MBD3: variants seen among roughly 807,000 people sequenced by gnomAD.
MBD3 encodes methyl-CpG-binding domain protein 3.
In MBD3, 13 loss-of-function variants were observed where a neutral mutation model predicts 31.2. The ratio of observed to expected loss-of-function variants is 0.42; its 90% CI spans 0.27 to 0.66. The LOEUF is 0.66. MBD3 is among the 30% of genes least tolerant of loss of function. The pLI is 0.26. For synonymous variants in MBD3, 223 were observed against 187.4 expected (o/e 1.19, Z -1.55); for missense variants, 440 against 426.5 (o/e 1.03, Z -0.28).
chr19:1,578,230 G>A lies in MBD3; in HGVS notation c.*6-72C>T. The A allele has an allele frequency of 6.5e-7, 1 of 1,537,310 alleles. No homozygotes were observed. The highest frequency in any genetic ancestry group is 8.8e-7 in the Non-Finnish European group (1 of 1,130,544). On this transcript the variant is annotated intron_variant, in intron 6 of 6. Coordinates refer to ENST00000434436, the MANE Select transcript of MBD3 (RefSeq NM_001281453.2). This position sits in a 1 kb window ranked among gnomAD's most constrained non-coding sequence, Gnocchi z 6.1. ...GACGCTTGGGCTCTTCTAGGGAGAT[G>A]GGAAGCTCTTGGGAGGCACCCGTCA...
intron 3 of MBD3, among the ~76,000 whole-genome samples, chr19:1,584,318 G>A (rs1250112536): frequency 1.3e-5 from 2 of 152,094 alleles, no homozygotes; most frequent in African/African-American, 4.8e-5. Context: ...CTGGGCTCAA[G>A]CAATCCTCCC....
chr19:1,580,641 G>T (rs1018542563), intron 5 of MBD3, among the ~76,000 whole-genome samples: 1 of 152,226 alleles, frequency 6.6e-6, no homozygotes, highest in African/African-American at 2.4e-5. Context: ...GCTCACCCCT[G>T]GGCTGCTCAG....
chr19:1,585,000 C>A (rs1488969042), intron 2 of MBD3, 55 bp downstream of exon 2: 1 of 1,598,882 alleles, frequency 6.3e-7, no homozygotes, highest in East Asian at 2.2e-5. Flanking sequence ...GTCATGGCCG[C>A]GTCCCCGCCT....
At chr19:1,588,560 T>C (rs1456645470) in intron 1 of MBD3, among the ~76,000 whole-genome samples, 2 of 151,654 alleles carry the variant, frequency 1.3e-5, no homozygotes, top group Non-Finnish European at 2.9e-5. Flanking sequence ...GGTGGGTGGA[T>C]TGCCTGAGCT....
chr19:1,591,644 G>A (rs997028213), intron 1 of MBD3, among the ~76,000 whole-genome samples: 3 of 152,122 alleles, frequency 2.0e-5, no homozygotes, highest in Non-Finnish European at 4.4e-5. Flanking sequence ...ACTGAACCAA[G>A]GGGAGGGCGC....
chr19:1,583,853 G>C lies in MBD3; in HGVS notation c.408+687C>G, dbSNP rs771107499. Among the ~76,000 whole-genome samples, 3 of 152,020 alleles carry C rather than the reference G, an allele frequency of 2.0e-5. No homozygotes were observed. In the South Asian group the frequency reaches 6.2e-4, roughly 32 times the overall value. ...TATTTTATTTTTGAGACCGGGTCTC[G>C]CTCTGTCGCCCAGGCAGGAGTGCAG... is the stretch of plus-strand genomic sequence containing the variant. On this transcript the variant is annotated intron_variant, in intron 3 of 6. Transcript: ENST00000434436.
chr19:1,585,226 C>T lies in MBD3; in HGVS notation c.111-12G>A, dbSNP rs377431933. 1.7e-5 allele frequency: 27 copies of T among 1,575,708 alleles called. No homozygotes were observed. In the African/African-American group the frequency reaches 3.5e-4, roughly 20 times the overall value. ...TCTTCCCGCTCGGGCTGCGGGGAGG[C>T]GGGACGGTCGGCGCCCCGGGCGGAC... On this transcript the variant is annotated splice_polypyrimidine_tract_variant and intron_variant, in intron 1 of 6. Coordinates refer to ENST00000434436, the MANE Select transcript of MBD3 (RefSeq NM_001281453.2). The surrounding 1 kb of genome is among the most constrained non-coding windows in gnomAD (Gnocchi z 4.1).
In MBD3 at chr19:1,581,256, G is replaced by A. The variant is rs769930477; in HGVS notation, c.513C>T (p.Gly171=). The change falls in exon 5 of 7, where the codon GGC becomes GGT. Residue 171 remains glycine, a synonymous_variant. Coordinates refer to ENST00000434436, the MANE Select transcript of MBD3 (RefSeq NM_001281453.2). ...CCGACAGCAGCGTCTCATCCGTGCA[G>A]CCAGGTCCCACCCCTGCCAGGCAGT... The part of the protein sequence containing the change: ...LPKGLQGVGP[G]CTDETLLSAI... The A allele has an allele frequency of 1.2e-6, 2 of 1,608,960 alleles. No homozygotes were observed. The highest frequency in any genetic ancestry group is 1.7e-6 in the Non-Finnish European group (2 of 1,179,920).
rs1568276498 is a variant in MBD3 at position 1,585,256 on chromosome 19, G to GACCCCAA, written c.111-49_111-43dup. 2.6e-6 allele frequency: 4 copies of GACCCCAA among 1,541,014 alleles called. No individual in the cohort carries two copies. The highest frequency in any genetic ancestry group is 1.2e-5 in the South Asian group (1 of 85,006). On this transcript the variant is annotated intron_variant, in intron 1 of 6. Transcript: ENST00000434436. The surrounding 1 kb of genome is among the most constrained non-coding windows in gnomAD (Gnocchi z 4.1). ...CGGTCGGCGCCCCGGGCGGACCCCA[G>GACCCCAA]ACCCCAAACCCAGGCCTCGGCCGCA...
chr19:1,584,959 A>G, intron 2 of MBD3, 96 bp downstream of exon 2: 2 of 1,528,546 alleles, frequency 1.3e-6, no homozygotes, highest in Non-Finnish European at 1.8e-6. Context: ...TCCTGCGCTC[A>G]GGACGCCGGG....
intron 1 of MBD3, chr19:1,591,928 C>T (rs1344643691): frequency 6.6e-6 from 1 of 152,166 alleles, no homozygotes; most frequent in Non-Finnish European, 1.5e-5. Flanking sequence ...GGTCTCCACC[C>T]TGAGGGGGCC....
rs1218333765 is a variant in MBD3 at position 1,575,260 on chromosome 19, T to C, written c.*2904A>G. 1 of 428,910 alleles carries C rather than the reference T, an allele frequency of 2.3e-6. No homozygotes were observed. The highest frequency in any genetic ancestry group is 4.8e-6 in the Non-Finnish European group (1 of 208,472). The allele number at this position is 428,910 out of a possible 1,614,324, so 26.6% of individuals were successfully genotyped here. A position where few individuals can be genotyped will look rare whatever the true frequency, so the allele number is the denominator to read the frequency against. On this transcript the variant is annotated 3_prime_UTR_variant, in exon 7 of 7. Coordinates refer to ENST00000434436, the MANE Select transcript of MBD3 (RefSeq NM_001281453.2). ...GACTGGCCAACATGGTGAAACCCTG[T>C]CTCTATTAAAAATACAAAAATTAGC... is the stretch of plus-strand genomic sequence containing the variant.
At chr19:1,591,112 CCT>C (rs112123480) in intron 1 of MBD3, among the ~76,000 whole-genome samples, 3 of 152,210 alleles carry the variant, frequency 2.0e-5, no homozygotes, top group African/African-American at 7.2e-5. Flanking sequence ...GACGCCTCTC[CCT>C]GTCACTCAAT....
rs1031522025 is a variant in MBD3, at chr19:1,584,795, C to A, written c.271-118G>T. On this transcript the variant is annotated intron_variant, in intron 2 of 6. Transcript: ENST00000434436. ...CGGCGCCCCTCGTGTCCCCCGCGCCCGCCAGGACCCCCACGGTCCGGGGAG... is the reference window on the plus strand; with the variant it reads ...CGGCGCCCCTCGTGTCCCCCGCGCCAGCCAGGACCCCCACGGTCCGGGGAG... 5.2e-5 allele frequency: 59 copies of A among 1,129,652 alleles called. No homozygotes were observed. The African/African-American group carries it at 9.6e-4, about 18-fold the overall frequency. 70.0% of individuals were successfully genotyped at this position (1,129,652 alleles called of 1,614,324 possible).
chr19:1,586,740 C>G (rs1032764171), intron 1 of MBD3, among the ~76,000 whole-genome samples: 1 of 149,404 alleles, frequency 6.7e-6, no homozygotes, highest in Non-Finnish European at 1.5e-5. Context: ...GATCTTGGCT[C>G]TCTGCAACCT....
chr19:1,581,040 C>T lies in MBD3; in HGVS notation c.677+52G>A, dbSNP rs1477100580. 1.1e-5 allele frequency: 18 copies of T among 1,609,926 alleles called. No individual in the cohort carries two copies. In the East Asian group the frequency reaches 4.0e-4, roughly 36 times the overall value. ...GGCACACGGGGACACTCAGGGTCCC[C>T]ACGGCCACAAGAGACAGGGTGGAGC... On this transcript the variant is annotated intron_variant, in intron 5 of 6. Coordinates refer to ENST00000434436, the MANE Select transcript of MBD3 (RefSeq NM_001281453.2).
At chr19:1,589,800 C>T (rs2060695557) in intron 1 of MBD3, among the ~76,000 whole-genome samples, 1 of 152,092 alleles carries the variant, frequency 6.6e-6, no homozygotes, top group Admixed American at 6.6e-5. Context: ...CACCACTGCA[C>T]TCCAGCCTGG....
At chr19:1,583,494 C>G (rs2060663010) in intron 3 of MBD3, 1 of 151,806 alleles carries the variant, frequency 6.6e-6, no homozygotes, top group Non-Finnish European at 1.5e-5. Context: ...CCCCCTGTAT[C>G]TGTGGGTTCC....
chr19:1,578,433 C>T lies in MBD3; in HGVS notation c.783G>A (p.Pro261=), dbSNP rs1044019000. The T allele has an allele frequency of 1.9e-5, 30 of 1,605,794 alleles. No individual in the cohort carries two copies. The highest frequency in any genetic ancestry group is 3.3e-5 in the South Asian group (3 of 91,068). The change falls in exon 6 of 7, where the codon CCG becomes CCA. Residue 261 remains proline, a synonymous_variant. Coordinates refer to ENST00000434436, the MANE Select transcript of MBD3 (RefSeq NM_001281453.2). This position sits in a 1 kb window ranked among gnomAD's most constrained non-coding sequence, Gnocchi z 6.1. ...VEELARDGEA[P]LDKACAEDDD... ...CGTCCTCAGCGCAGGCCTTGTCCAG[C>T]GGCGCCTCCCCGTCACGGGCCAGCT...
Sources: gnomAD v4.1 joint callset for allele counts (sites outside exome capture counted in the v4.1 genomes callset) on GRCh38, gnomAD v4.1.1 for gene constraint, Gnocchi (gnomAD v3.1) non-coding constraint, MANE v1.5 for transcripts, NCBI Gene and HGNC (gene_info 2026-07-23, HGNC 2026-07-21) for gene names.